The following SOX5 variants were observed in gnomAD, a reference collection of about 807,000 sequenced individuals.
The protein encoded by SOX5 is transcription factor SOX-5.
Under a neutral mutation model 92.0 loss-of-function variants are expected in SOX5, and 9 were observed. That is an observed-to-expected ratio of 0.10 (90% CI 0.06 to 0.17). The LOEUF (loss-of-function observed/expected upper bound fraction) is 0.17. Ranked by LOEUF, SOX5 falls within the 10% of genes least tolerant of loss-of-function variation. SOX5 has a pLI of 1.00. For missense variants in SOX5, 642 were observed against 944.5 expected, an observed-to-expected ratio of 0.68 and a Z score of 4.20; for synonymous variants, 344 against 336.3, an observed-to-expected ratio of 1.02 and a Z score of -0.25.
At chr12:24,439,665 C>T (rs138810894) in intron 1 of SOX5, among the ~76,000 whole-genome samples, 3 of 152,186 alleles carry the variant, frequency 2.0e-5, no homozygotes, top group African/African-American at 2.4e-5. Context: ...GAGGCCAACG[C>T]GGGTGGAGGA....
chr12:23,683,323 T>A (rs1424305145), intron 6 of SOX5, among the ~76,000 whole-genome samples: 2 of 151,976 alleles, frequency 1.3e-5, no homozygotes, highest in East Asian at 3.9e-4. Flanking sequence ...TTATATTTTT[T>A]AAAAAATGAA....
At chr12:24,086,302 T>C (rs748692488) in intron 4 of SOX5, among the ~76,000 whole-genome samples, 2 of 152,010 alleles carry the variant, frequency 1.3e-5, no homozygotes, top group Non-Finnish European at 2.9e-5. Flanking sequence ...ACATAGACTC[T>C]CAGAATTTGT....
intron 4 of SOX5, among the ~76,000 whole-genome samples, chr12:24,050,743 C>A (rs752141674): frequency 8.2e-4 from 125 of 152,210 alleles, no homozygotes; most frequent in Non-Finnish European, 1.5e-3. Flanking sequence ...ATGGTGACAA[C>A]AGTGCTACCT....
chr12:23,900,840 G>A (rs535425636), intron 1 of SOX5, among the ~76,000 whole-genome samples: 8 of 152,110 alleles, frequency 5.3e-5, no homozygotes, highest in South Asian at 2.1e-4. Context: ...CACACCTGTA[G>A]TTCCAGCTAC....
chr12:24,093,527 A>G (rs1487258250), intron 4 of SOX5, among the ~76,000 whole-genome samples: 1 of 151,540 alleles, frequency 6.6e-6, no homozygotes, highest in Non-Finnish European at 1.5e-5. Flanking sequence ...CGTCTCAAAA[A>G]AAAAAAAACA....
intron 3 of SOX5, among the ~76,000 whole-genome samples, chr12:23,761,791 C>T (rs1473947316): frequency 1.3e-5 from 2 of 152,020 alleles, no homozygotes; most frequent in East Asian, 3.9e-4. Flanking sequence ...TGTTTTAGAA[C>T]TAAGTATTAT....
chr12:24,021,195 G>C (rs1161192855), intron 4 of SOX5, among the ~76,000 whole-genome samples: 1 of 152,224 alleles, frequency 6.6e-6, no homozygotes, highest in Non-Finnish European at 1.5e-5. Flanking sequence ...GGAGATTTCA[G>C]AAGGTATCAG....
chr12:24,074,986 G>A (rs991296820), intron 4 of SOX5, among the ~76,000 whole-genome samples: 1 of 151,556 alleles, frequency 6.6e-6, no homozygotes. Context: ...TGCCAGCCAG[G>A]CATGGTGGCT....
chr12:23,644,625 T>C (rs1292740912), intron 7 of SOX5, among the ~76,000 whole-genome samples: 1 of 152,212 alleles, frequency 6.6e-6, no homozygotes, highest in African/African-American at 2.4e-5. Flanking sequence ...AATTATACCA[T>C]GCTCGTATGC....
intron 2 of SOX5, among the ~76,000 whole-genome samples, chr12:24,362,196 A>G (rs1480490873): frequency 6.6e-6 from 1 of 152,236 alleles, no homozygotes; most frequent in African/African-American, 2.4e-5. Flanking sequence ...GCACCAGGAT[A>G]GCTCCAGAGT....
intron 9 of SOX5, among the ~76,000 whole-genome samples, chr12:23,577,057 C>G (rs1355909577): frequency 6.7e-6 from 1 of 149,912 alleles, no homozygotes; most frequent in South Asian, 2.1e-4. Flanking sequence ...AAATTTAATG[C>G]ACAGTCCTAC....
At chr12:24,249,767 A>T (rs1305958014) in intron 3 of SOX5, among the ~76,000 whole-genome samples, 1 of 152,238 alleles carries the variant, frequency 6.6e-6, no homozygotes. Context: ...GACAGTACAT[A>T]TAACCTAAGC....
chr12:23,850,793 T>C lies in SOX5; in HGVS notation c.271-4600A>G, dbSNP rs1281220079. Among the ~76,000 whole-genome samples, 3 of 152,182 alleles carry C rather than the reference T, an allele frequency of 2.0e-5. No individual in the cohort carries two copies. In the East Asian group the frequency reaches 5.8e-4, roughly 29 times the overall value. ...TTACTCCTTTGGGACTACCGATCCC[T>C]TGAAGATAGCTATAAATGCTATTTT... On this transcript the variant is annotated intron_variant, in intron 2 of 14. Coordinates refer to ENST00000451604, the MANE Select transcript of SOX5 (RefSeq NM_006940.6).
chr12:24,480,559 A>G (rs912394614), intron 1 of SOX5, among the ~76,000 whole-genome samples: 1 of 152,154 alleles, frequency 6.6e-6, no homozygotes, highest in Admixed American at 6.5e-5. Context: ...ACAACTCTAT[A>G]GGAAAAAAAA....
Position 23,531,920 on chromosome 12 carries a change from T to C in SOX5, c.*2299A>G, listed in dbSNP as rs760811365. The stretch of plus-strand genomic sequence containing the variant: ...ATGTGTGTGTGTGTGTGTATATGTG[T>C]GTATATATATGTATATATATATATA... On this transcript the variant is annotated 3_prime_UTR_variant, in exon 15 of 15. Transcript: ENST00000451604. 1 of 146,992 alleles carries C rather than the reference T, an allele frequency of 6.8e-6. No homozygotes were observed. Among genetic ancestry groups the C allele is most frequent in the Non-Finnish European group, 1.5e-5 (1 of 66,760 alleles). The allele number at this position is 146,992 out of a possible 1,614,324, so 9.1% of individuals were successfully genotyped here.
chr12:23,954,734 T>C (rs1946076086), upstream of SOX5, among the ~76,000 whole-genome samples: 1 of 152,066 alleles, frequency 6.6e-6, no homozygotes, highest in Admixed American at 6.5e-5. Context: ...AACTTCATAC[T>C]CTTTCTATTG....
At position 23,563,353 on chromosome 12, in the gene SOX5, G is replaced by C; in HGVS notation, c.1393C>G (p.Gln465Glu). The change falls in exon 11 of 15, where the codon CAA becomes GAA. Residue 465 changes from glutamine to glutamate, a missense_variant. Gln to Glu is a conservative substitution (Grantham distance 29, BLOSUM62 2). Around this residue, in one of 8 missense-constraint regions of SOX5, gnomAD observed 324 missense variants for 461.6 expected, o/e 0.70. Transcript: ENST00000451604. ...TCCCGTCGGAGTTGCTCCTTCATTT[G>C]CCGAGCTTCTTGGATTGCCTTGGTG... is the stretch of plus-strand genomic sequence containing the variant. ...AVTKAIQEAR[Q>E]MKEQLRREQQ... 6.2e-7 allele frequency: 1 copy of C among 1,613,908 alleles called. No individual in the cohort carries two copies. Among genetic ancestry groups the C allele is most frequent in the South Asian group, 1.1e-5 (1 of 91,066 alleles).
Position 24,166,637 on chromosome 12 carries a change from C to A in SOX5, c.-2+46706G>T, listed in dbSNP as rs74425188. Among the ~76,000 whole-genome samples the A allele has an allele frequency of 4.5e-3, 688 of 152,250 alleles. 4 individuals carry two copies. The highest frequency in any genetic ancestry group is 0.016 in the African/African-American group (667 of 41,550). On this transcript the variant is annotated intron_variant, in intron 4 of 4. Transcript: ENST00000446891. ...TCTCATTGATATTTGCCAGTGATTT[C>A]AAAACTCAGTCCTATTTTTGCTTAT... is the stretch of plus-strand genomic sequence containing the variant.
intron 2 of SOX5, among the ~76,000 whole-genome samples, chr12:24,315,243 G>A (rs930557567): frequency 6.6e-6 from 1 of 152,110 alleles, no homozygotes; most frequent in African/African-American, 2.4e-5. Context: ...ATTTCTAGCT[G>A]TCTGTAAAAA....
Sources: gnomAD v4.1 joint callset for allele counts (sites outside exome capture counted in the v4.1 genomes callset) on GRCh38, gnomAD v4.1.1 for gene constraint, gnomAD v4.1.1 regional missense constraint, MANE v1.5 for transcripts, NCBI Gene and HGNC (gene_info 2026-07-23, HGNC 2026-07-21) for gene names.